Variants in ASTN2 observed in about 807,000 individuals in gnomAD.
The protein encoded by ASTN2 is astrotactin-2.
A neutral mutation model predicts 139.8 loss-of-function variants in ASTN2; 54 were observed. That is an observed-to-expected ratio of 0.39 (90% CI 0.31 to 0.48). The LOEUF (loss-of-function observed/expected upper bound fraction) is 0.48. Ranked by LOEUF, ASTN2 falls within the 20% of genes least tolerant of loss-of-function variation. ASTN2 has a pLI of 0.95. For synonymous variants in ASTN2, 756 were observed against 719.5 expected (o/e 1.05, Z -0.81); for missense variants, 1,565 against 1,725.1 (o/e 0.91, Z 1.64).
At chr9:117,194,295 C>T (rs2132975796) in intron 3 of ASTN2, among the ~76,000 whole-genome samples, 1 of 152,286 alleles carries the variant, frequency 6.6e-6, no homozygotes, top group Admixed American at 6.5e-5. Context: ...CAAGCCACCT[C>T]AGATCCAGTT....
intron 13 of ASTN2, among the ~76,000 whole-genome samples, chr9:116,752,198 A>C (rs773754320): frequency 1.8e-3 from 279 of 152,282 alleles, no homozygotes; most frequent in Non-Finnish European, 2.3e-3. Context: ...ACCCACGCAA[A>C]TCTAGTCAAC....
At chr9:116,539,739 C>T (rs2119342103) in intron 19 of ASTN2, among the ~76,000 whole-genome samples, 1 of 152,260 alleles carries the variant, frequency 6.6e-6, no homozygotes, top group East Asian at 1.9e-4. Context: ...TGGGATGGTG[C>T]AAGATTTCAT....
At chr9:116,889,092 C>T (rs1487577799) in intron 10 of ASTN2, among the ~76,000 whole-genome samples, 1 of 152,094 alleles carries the variant, frequency 6.6e-6, no homozygotes, top group African/African-American at 2.4e-5. Context: ...CCATTTTGGC[C>T]AGGCTGGTCT....
At chr9:116,795,340 T>C (rs1470734416) in intron 13 of ASTN2, among the ~76,000 whole-genome samples, 1 of 152,258 alleles carries the variant, frequency 6.6e-6, no homozygotes, top group Non-Finnish European at 1.5e-5. Flanking sequence ...CTGCAACTTT[T>C]GGATCTGGGC....
intron 2 of ASTN2, among the ~76,000 whole-genome samples, chr9:117,287,307 G>T (rs1834474508): frequency 1.3e-5 from 2 of 152,182 alleles, no homozygotes; most frequent in South Asian, 4.1e-4. Flanking sequence ...CAACCATGGA[G>T]TTGATTTCCA....
intron 11 of ASTN2, among the ~76,000 whole-genome samples, chr9:116,832,169 T>C (rs1831832684): frequency 6.6e-6 from 1 of 152,178 alleles, no homozygotes; most frequent in Admixed American, 6.5e-5. Flanking sequence ...AGGAATACAA[T>C]TGATGTTGTA....
intron 20 of ASTN2, among the ~76,000 whole-genome samples, chr9:116,445,746 A>G (rs1227367210): frequency 2.0e-5 from 3 of 152,222 alleles, no homozygotes; most frequent in African/African-American, 7.2e-5. Flanking sequence ...GAAATTATCC[A>G]TATCTCACAA....
intron 13 of ASTN2, among the ~76,000 whole-genome samples, chr9:116,766,140 G>T (rs1056190001): frequency 5.3e-5 from 8 of 152,024 alleles, no homozygotes; most frequent in Non-Finnish European, 1.0e-4. Context: ...AAGATCCCGG[G>T]ATAGGGCAGA....
chr9:116,623,191 G>A (rs1019035967), intron 17 of ASTN2, among the ~76,000 whole-genome samples: 2 of 144,798 alleles, frequency 1.4e-5, no homozygotes, highest in African/African-American at 5.4e-5. Flanking sequence ...GTGTGTGTGT[G>A]TGTGTGTGTG....
chr9:117,110,708 T>G (rs934015668), intron 4 of ASTN2, among the ~76,000 whole-genome samples: 6 of 151,974 alleles, frequency 3.9e-5, no homozygotes, highest in Non-Finnish European at 7.4e-5. Context: ...TGGAAAGAAG[T>G]TGAAAAGTAG....
intron 6 of ASTN2, among the ~76,000 whole-genome samples, chr9:117,009,367 C>T (rs144570306): frequency 6.6e-6 from 1 of 152,084 alleles, no homozygotes; most frequent in African/African-American, 2.4e-5. Context: ...GTAGATATTC[C>T]ACATACATGC....
chr9:116,429,624 C>A (rs191685878), intron 22 of ASTN2, among the ~76,000 whole-genome samples: 111 of 152,290 alleles, frequency 7.3e-4, no homozygotes, highest in Admixed American at 1.8e-3. Context: ...TTACTCCCAC[C>A]ACCATCACTC....
chr9:117,306,127 A>G (rs1262769583), intron 1 of ASTN2, among the ~76,000 whole-genome samples: 1 of 152,152 alleles, frequency 6.6e-6, no homozygotes, highest in East Asian at 1.9e-4. Context: ...AGAAATCAAG[A>G]CATCTCAATT....
intron 1 of ASTN2, among the ~76,000 whole-genome samples, chr9:117,341,891 A>G (rs1217392884): frequency 6.6e-6 from 1 of 152,152 alleles, no homozygotes; most frequent in Non-Finnish European, 1.5e-5. Context: ...GAGGTAATGG[A>G]AGAAGATTGT....
At chr9:117,107,934 G>C (rs944980) in intron 4 of ASTN2, among the ~76,000 whole-genome samples, 79,349 of 151,994 alleles carry the variant, frequency 0.52, 21,665 homozygotes, top group African/African-American at 0.71. Context: ...CATAGTTGCA[G>C]TATTCCCTGA....
chr9:116,523,118 A>G (rs985802302), intron 19 of ASTN2, among the ~76,000 whole-genome samples: 1 of 151,942 alleles, frequency 6.6e-6, no homozygotes, highest in Non-Finnish European at 1.5e-5. Context: ...TCATGACCTC[A>G]CCTGAGGGCT....
chr9:116,497,054 T>G (rs1849691196), intron 19 of ASTN2, among the ~76,000 whole-genome samples: 1 of 152,156 alleles, frequency 6.6e-6, no homozygotes, highest in South Asian at 2.1e-4. Flanking sequence ...TTTTTAAAGT[T>G]GTACTTGCAC....
At chr9:117,247,832 A>G (rs1833427015) in intron 2 of ASTN2, among the ~76,000 whole-genome samples, 1 of 152,196 alleles carries the variant, frequency 6.6e-6, no homozygotes, top group Non-Finnish European at 1.5e-5. Context: ...GGCACATGGC[A>G]CTGGGGTGCA....
intron 19 of ASTN2, among the ~76,000 whole-genome samples, chr9:116,519,571 T>C (rs1276894667): frequency 1.3e-5 from 2 of 151,912 alleles, no homozygotes; most frequent in Admixed American, 6.6e-5. Flanking sequence ...AGAGCATAAA[T>C]TGACAATCTA....
Sources: gnomAD v4.1 joint callset for allele counts (sites outside exome capture counted in the v4.1 genomes callset) on GRCh38, gnomAD v4.1.1 for gene constraint, MANE v1.5 for transcripts, NCBI Gene and HGNC (gene_info 2026-07-23, HGNC 2026-07-21) for gene names.